Variants in FAM193A observed in about 807,000 individuals in gnomAD.
FAM193A encodes family with sequence similarity 193 member A, also known as protein FAM193A.
A neutral mutation model predicts 126.5 loss-of-function variants in FAM193A; 22 were observed. The ratio of observed to expected loss-of-function variants is 0.17; its 90% confidence interval spans 0.12 to 0.25. The LOEUF (loss-of-function observed/expected upper bound fraction) is 0.25, where lower values mean the gene tolerates loss of function less well. Among genes scored for constraint, FAM193A ranks in the 10% least tolerant of loss-of-function variants. The pLI is 1.00. For missense variants in FAM193A, 1,675 were observed against 1,672.8 expected (o/e 1.00, Z -0.02); for synonymous variants, 761 against 646.8 (o/e 1.18, Z -2.68).
chr4:2,685,462 T>C (rs1715628003), intron 13 of FAM193A, among the ~76,000 whole-genome samples: 1 of 152,218 alleles, frequency 6.6e-6, no homozygotes, highest in South Asian at 2.1e-4. Flanking sequence ...GGGATCACAT[T>C]GTGATCTTCG....
intron 12 of FAM193A, among the ~76,000 whole-genome samples, chr4:2,666,736 A>G (rs1461240447): frequency 2.6e-5 from 4 of 152,200 alleles, no homozygotes; most frequent in African/African-American, 4.8e-5. Context: ...GTGAATTTCA[A>G]TAATTTTTGT....
intron 1 of FAM193A, among the ~76,000 whole-genome samples, chr4:2,568,973 C>CTTTTTTTTTTTTTTTTTTTTTTTTTTCT (rs753557878): frequency 1.1e-5 from 1 of 90,722 alleles, no homozygotes; most frequent in Non-Finnish European, 1.9e-5. Flanking sequence ...TGTTGTTTTG[C>CTTTTTTTTTTTTTTTTTTTTTTTTTTCT]TTTTTTTTTT....
At chr4:2,585,942 T>A (rs1211515362) in intron 1 of FAM193A, among the ~76,000 whole-genome samples, 2 of 151,728 alleles carry the variant, frequency 1.3e-5, no homozygotes, top group African/African-American at 4.8e-5. Flanking sequence ...AAATAAATAA[T>A]TTTTAAATAG....
At chr4:2,654,882 G>A (rs1272126343) in intron 7 of FAM193A, 4 of 445,102 alleles carry the variant, frequency 9.0e-6, no homozygotes, top group Middle Eastern at 3.7e-4. Context: ...GCTGGAAACT[G>A]GGAAAATGGA....
chr4:2,710,954 C>T (rs948946051), intron 19 of FAM193A, among the ~76,000 whole-genome samples: 2 of 150,426 alleles, frequency 1.3e-5, no homozygotes, highest in African/African-American at 4.9e-5. Context: ...CGGGTTCATG[C>T]CATTCTCCTG....
Position 2,732,008 on chromosome 4 carries a change from G to A in FAM193A, c.*140G>A, listed in dbSNP as rs987954325. Reference sequence around the variant, plus strand: ...CTGGTGCTGCCTGAAACCCCAGACCGAGAAGTTGATGCTCGGCCCACGCCG... The same window carrying A: ...CTGGTGCTGCCTGAAACCCCAGACCAAGAAGTTGATGCTCGGCCCACGCCG... On this transcript the variant is annotated 3_prime_UTR_variant, in exon 21 of 21. Coordinates refer to ENST00000637812, the MANE Select transcript of FAM193A (RefSeq NM_001366318.2). 1.3e-5 allele frequency: 9 copies of A among 715,348 alleles called. No individual in the cohort carries two copies. Among genetic ancestry groups the A allele is most frequent in the East Asian group, 4.9e-5 (2 of 40,674 alleles). The allele number at this position is 715,348 out of a possible 1,614,324, so 44.3% of individuals were successfully genotyped here.
chr4:2,611,454 A>G (rs568856945), intron 2 of FAM193A, among the ~76,000 whole-genome samples: 1 of 151,238 alleles, frequency 6.6e-6, no homozygotes, highest in Admixed American at 6.6e-5. Flanking sequence ...TTGTATTTTT[A>G]GTGGAAACGG....
At chr4:2,644,730 C>T (rs1330054182) in intron 6 of FAM193A, among the ~76,000 whole-genome samples, 3 of 152,064 alleles carry the variant, frequency 2.0e-5, no homozygotes, top group African/African-American at 7.2e-5. Flanking sequence ...TTCCCAGGTG[C>T]GATTTACCTG....
At chr4:2,671,714 T>C (rs941756390) in intron 12 of FAM193A, among the ~76,000 whole-genome samples, 1 of 152,208 alleles carries the variant, frequency 6.6e-6, no homozygotes, top group African/African-American at 2.4e-5. Flanking sequence ...GGAAGTCGCG[T>C]CTCTGCTTTG....
At chr4:2,701,714 A>G (rs1489867659) in intron 19 of FAM193A, among the ~76,000 whole-genome samples, 2 of 151,602 alleles carry the variant, frequency 1.3e-5, no homozygotes, top group Admixed American at 6.6e-5. Flanking sequence ...ACATTCACCG[A>G]CTAGTTGTAG....
At chr4:2,646,878 G>A (rs771384379) in intron 7 of FAM193A, 46 bp downstream of exon 7, 7 of 1,556,500 alleles carry the variant, frequency 4.5e-6, no homozygotes, top group Admixed American at 1.9e-5. Context: ...ATCCTCAGAC[G>A]GCCCTGTTGA....
intron 1 of FAM193A, among the ~76,000 whole-genome samples, chr4:2,555,496 C>T (rs1048288306): frequency 5.3e-5 from 8 of 152,206 alleles, no homozygotes; most frequent in Non-Finnish European, 1.2e-4. Context: ...ATGGAATTAA[C>T]AGCTGGGTGC....
intron 18 of FAM193A, among the ~76,000 whole-genome samples, chr4:2,698,078 C>T (rs191442236): frequency 1.4e-3 from 212 of 152,346 alleles, no homozygotes; most frequent in African/African-American, 4.0e-3. Context: ...GTGCTTTCTA[C>T]GCTGCACCCA....
At chr4:2,702,309 C>G (rs1399539960) in intron 19 of FAM193A, among the ~76,000 whole-genome samples, 2 of 152,128 alleles carry the variant, frequency 1.3e-5, no homozygotes, top group Non-Finnish European at 2.9e-5. Context: ...TTCCTTAGAC[C>G]ATTTGATGCG....
chr4:2,593,122 C>T (rs907529734), intron 1 of FAM193A, among the ~76,000 whole-genome samples: 21 of 152,178 alleles, frequency 1.4e-4, no homozygotes, highest in African/African-American at 3.9e-4. Flanking sequence ...AAAAAATACC[C>T]AGCACCTGAC....
At chr4:2,575,962 C>T (rs960113258) in intron 1 of FAM193A, among the ~76,000 whole-genome samples, 2 of 152,092 alleles carry the variant, frequency 1.3e-5, no homozygotes, top group South Asian at 2.1e-4. Flanking sequence ...AGGCTTATGT[C>T]TCAGGTGAGT....
chr4:2,563,596 TAA>T, intron 1 of FAM193A, among the ~76,000 whole-genome samples: 1 of 151,946 alleles, frequency 6.6e-6, no homozygotes, highest in Non-Finnish European at 1.5e-5. Context: ...GGATCAGAGA[TAA>T]TGCTAATAGT....
chr4:2,663,129 C>T lies in FAM193A; in HGVS notation c.1920C>T (p.Thr640=), dbSNP rs1278321610. 6.2e-7 allele frequency: 1 copy of T among 1,613,946 alleles called. No individual in the cohort carries two copies. Among genetic ancestry groups the T allele is most frequent in the South Asian group, 1.1e-5 (1 of 91,048 alleles). The stretch of plus-strand genomic sequence containing the variant: ...TAAAGTCTCCTCAGATAAGCAGTAC[C>T]AGCAGTAGTTCCTCAGAAGCTGATG... ...LKDESPQISS[T]SSSSSEADDE... Residue 640 remains threonine (T), a synonymous_variant, in exon 12 of 21, where the codon ACC becomes ACT. Transcript: ENST00000637812.
intron 7 of FAM193A, among the ~76,000 whole-genome samples, chr4:2,655,706 G>A (rs571228918): frequency 1.3e-5 from 2 of 152,120 alleles, no homozygotes; most frequent in Non-Finnish European, 2.9e-5. Context: ...CAAAGCAGAA[G>A]GATCGCTTGA....
Sources: allele counts gnomAD v4.1 joint callset (sites outside exome capture counted in the v4.1 genomes callset), GRCh38; gene constraint gnomAD v4.1.1; transcripts MANE v1.5; gene names NCBI Gene and HGNC (gene_info 2026-07-23, HGNC 2026-07-21).